The following ANKS6 variants were observed in gnomAD, a reference collection of about 807,000 sequenced individuals.
ANKS6 encodes the protein ankyrin repeat and SAM domain-containing protein 6.
A neutral mutation model predicts 77.9 loss-of-function variants in ANKS6; 47 were observed. That is an observed-to-expected ratio of 0.60 (90% confidence interval 0.48 to 0.77). ANKS6 has a LOEUF of 0.77. ANKS6 is among the 30% of genes least tolerant of loss of function. The probability of loss-of-function intolerance (pLI) is 0.00; values close to 1 mark genes in which losing one functional copy is unlikely to be tolerated. For synonymous variants in ANKS6, 488 were observed against 501.7 expected (o/e 0.97, Z 0.37); for missense variants, 1,150 against 1,159.1 (o/e 0.99, Z 0.11).
chr9:98,735,760 CTA>C lies in ANKS6; in HGVS notation c.*757_*758del. The C allele has an allele frequency of 8.1e-7, 1 of 1,231,738 alleles. No individual in the cohort carries two copies. The highest frequency in any genetic ancestry group is 4.1e-5 in the South Asian group (1 of 24,318). 76.3% of individuals were successfully genotyped at this position (1,231,738 alleles called of 1,614,324 possible). On this transcript the variant is annotated 3_prime_UTR_variant, in exon 15 of 15. Coordinates refer to ENST00000353234, the MANE Select transcript of ANKS6 (RefSeq NM_173551.5). ...ACAGCAGGCCTCCACTTCTTTCCTT[CTA>C]TAATAGACTCTCTTTGCAATAAAGA...
At position 98,734,058 on chromosome 9, in the gene ANKS6, T is replaced by C. The variant is rs1588304016; in HGVS notation, c.*2461A>G. 2.0e-6 allele frequency: 2 copies of C among 985,382 alleles called. No homozygotes were observed. The highest frequency in any genetic ancestry group is 2.4e-6 in the Non-Finnish European group (2 of 829,946). The allele number at this position is 985,382 out of a possible 1,614,324, so 61.0% of individuals were successfully genotyped here. ...CCTCCCTGACGATCTATAACCTACATGTTCCGTGCTGCCTCCACACATGCC... is the reference window on the plus strand; with the variant it reads ...CCTCCCTGACGATCTATAACCTACACGTTCCGTGCTGCCTCCACACATGCC... On this transcript the variant is annotated 3_prime_UTR_variant, in exon 15 of 15. Coordinates refer to ENST00000353234, the MANE Select transcript of ANKS6 (RefSeq NM_173551.5).
Position 98,734,846 on chromosome 9 carries a change from G to C in ANKS6, c.*1673C>G. 3.0e-6 allele frequency: 3 copies of C among 985,478 alleles called. No individual in the cohort carries two copies. Among genetic ancestry groups the C allele is most frequent in the Non-Finnish European group, 3.6e-6 (3 of 829,936 alleles). 61.0% of individuals were successfully genotyped at this position (985,478 alleles called of 1,614,324 possible). On this transcript the variant is annotated 3_prime_UTR_variant, in exon 15 of 15. Coordinates refer to ENST00000353234, the MANE Select transcript of ANKS6 (RefSeq NM_173551.5). ...GTAACCTTTGTAAAGGTGTCTATCA[G>C]TAACAGCTAAATGAAACACTTTGTC... is the stretch of plus-strand genomic sequence containing the variant.
At chr9:98,766,486 CAAT>C (rs1833297298) in intron 11 of ANKS6, among the ~76,000 whole-genome samples, 1 of 152,078 alleles carries the variant, frequency 6.6e-6, no homozygotes, top group Non-Finnish European at 1.5e-5. Flanking sequence ...GAAAGAAATA[CAAT>C]AATTCTAAAA....
intron 13 of ANKS6, among the ~76,000 whole-genome samples, chr9:98,748,102 T>C (rs867620921): frequency 6.6e-6 from 1 of 152,258 alleles, no homozygotes; most frequent in Non-Finnish European, 1.5e-5. Context: ...ATTCTGGGCA[T>C]CTGCATTTCC....
At position 98,760,163 on chromosome 9, in the gene ANKS6, C is replaced by T. The variant is rs184584604; in HGVS notation, c.2143-3560G>A. 4.7e-4 allele frequency among the ~76,000 whole-genome samples: 71 copies of T among 152,150 alleles called. 1 individual carries two copies. The highest frequency in any genetic ancestry group is 3.5e-3 in the Admixed American group (53 of 15,292). ...ATATTACCATGCATAGGGCAAGGCA[C>T]GGAGGAAGGGGCAAGGAGCTCCCAC... On this transcript the variant is annotated intron_variant, in intron 11 of 14. Transcript: ENST00000353234.
At chr9:98,789,892 G>A in intron 2 of ANKS6, 1 of 617,966 alleles carries the variant, frequency 1.6e-6, no homozygotes, top group Non-Finnish European at 2.5e-6. Flanking sequence ...TCTTGCCCAG[G>A]GCTACCAAAT....
At chr9:98,774,258 T>G (rs762323810) in intron 8 of ANKS6, among the ~76,000 whole-genome samples, 178 bp from the exon 9 acceptor site, 1 of 152,180 alleles carries the variant, frequency 6.6e-6, no homozygotes, top group Non-Finnish European at 1.5e-5. Flanking sequence ...CACCCATGTC[T>G]GCTCTGCGCC....
intron 1 of ANKS6, among the ~76,000 whole-genome samples, chr9:98,793,552 C>T (rs971997899): frequency 2.0e-5 from 3 of 152,012 alleles, no homozygotes; most frequent in Non-Finnish European, 4.4e-5. Context: ...GATGGAGTCT[C>T]GCTCTGTCGC....
Position 98,736,162 on chromosome 9 carries a change from C to G in ANKS6, c.*357G>C. 8.6e-7 allele frequency: 1 copy of G among 1,158,212 alleles called. No homozygotes were observed. Among genetic ancestry groups the G allele is most frequent in the Non-Finnish European group, 1.1e-6 (1 of 939,290 alleles). The allele number at this position is 1,158,212 out of a possible 1,614,324, so 71.7% of individuals were successfully genotyped here. Reference sequence around the variant, plus strand: ...TAAGAGCAAGGCAGGTAAGAAGCAGCCGTGCCTTCTCCATCGTCCCTTTCC... The same window carrying G: ...TAAGAGCAAGGCAGGTAAGAAGCAGGCGTGCCTTCTCCATCGTCCCTTTCC... On this transcript the variant is annotated 3_prime_UTR_variant, in exon 15 of 15. Coordinates refer to ENST00000353234, the MANE Select transcript of ANKS6 (RefSeq NM_173551.5).
rs1831387772 is a variant in ANKS6, at chr9:98,734,626, C to T, written c.*1893G>A. ...CAAGCCCACCAGGTCCGGTTCTGAC[C>T]CCAGATCTGCTCCTTCTGGGCTGTT... On this transcript the variant is annotated 3_prime_UTR_variant, in exon 15 of 15. Transcript: ENST00000353234. 1 of 967,676 alleles carries T rather than the reference C, an allele frequency of 1.0e-6. No homozygotes were observed. The highest frequency in any genetic ancestry group is 1.2e-6 in the Non-Finnish European group (1 of 814,026). The allele number at this position is 967,676 out of a possible 1,614,324, so 59.9% of individuals were successfully genotyped here. A position where few individuals can be genotyped will look rare whatever the true frequency, so the allele number is the denominator to read the frequency against.
intron 4 of ANKS6, 54 bp from the exon 5 acceptor site, chr9:98,782,627 C>G: frequency 7.0e-7 from 1 of 1,434,792 alleles, no homozygotes; most frequent in South Asian, 1.2e-5. Flanking sequence ...TGGCTTTGCT[C>G]CTGGGCAACA....
chr9:98,775,000 G>C (rs1833850923), intron 8 of ANKS6, among the ~76,000 whole-genome samples: 6 of 152,224 alleles, frequency 3.9e-5, no homozygotes, highest in Admixed American at 3.3e-4. Flanking sequence ...GCCCTCTACA[G>C]GGCATGAGCA....
In ANKS6 at chr9:98,735,897, G is replaced by A. The variant is rs1344076410; in HGVS notation, c.*622C>T. The A allele has an allele frequency of 2.4e-6, 3 of 1,231,804 alleles. No homozygotes were observed. The highest frequency in any genetic ancestry group is 8.4e-5 in the South Asian group (2 of 23,826). 76.3% of individuals were successfully genotyped at this position (1,231,804 alleles called of 1,614,324 possible). A position where few individuals can be genotyped will look rare whatever the true frequency, so the allele number is the denominator to read the frequency against. On this transcript the variant is annotated 3_prime_UTR_variant, in exon 15 of 15. Coordinates refer to ENST00000353234, the MANE Select transcript of ANKS6 (RefSeq NM_173551.5). ...TAAGGGACCCAGTGGCTGAAAGGGG[G>A]TCAAAAAAGACTTCATCTGAGAGGT...
intron 1 of ANKS6, among the ~76,000 whole-genome samples, chr9:98,792,569 G>A (rs2118190189): frequency 6.6e-6 from 1 of 152,300 alleles, no homozygotes; most frequent in East Asian, 1.9e-4. Flanking sequence ...AAGAACTGGT[G>A]TATCCTCCAC....
chr9:98,762,250 G>C (rs1285628521), intron 11 of ANKS6, among the ~76,000 whole-genome samples: 2 of 152,148 alleles, frequency 1.3e-5, no homozygotes, highest in Non-Finnish European at 2.9e-5. Flanking sequence ...GAGAAATACA[G>C]CTGACTTCTG....
At chr9:98,748,794 A>G (rs938578843) in intron 13 of ANKS6, among the ~76,000 whole-genome samples, 1 of 152,182 alleles carries the variant, frequency 6.6e-6, no homozygotes, top group Non-Finnish European at 1.5e-5. Flanking sequence ...TCAAATACAC[A>G]TAGTTAAATC....
chr9:98,780,757 C>T (rs1834203042), intron 5 of ANKS6, among the ~76,000 whole-genome samples: 1 of 152,152 alleles, frequency 6.6e-6, no homozygotes. Context: ...ACGGGAATTC[C>T]TTTAGAGCAA....
chr9:98,765,265 G>A (rs1833209409), intron 11 of ANKS6, among the ~76,000 whole-genome samples: 1 of 152,212 alleles, frequency 6.6e-6, no homozygotes, highest in Non-Finnish European at 1.5e-5. Flanking sequence ...ACATACTGGG[G>A]AAGAGGTGGG....
chr9:98,764,177 C>T (rs1319833469), intron 11 of ANKS6, among the ~76,000 whole-genome samples: 1 of 152,124 alleles, frequency 6.6e-6, no homozygotes, highest in Non-Finnish European at 1.5e-5. Context: ...ACAACACTGT[C>T]TTTGATTTGC....
Sources: allele counts gnomAD v4.1 joint callset (sites outside exome capture counted in the v4.1 genomes callset), GRCh38; gene constraint gnomAD v4.1.1; transcripts MANE v1.5; gene names NCBI Gene and HGNC (gene_info 2026-07-23, HGNC 2026-07-21).